Variants in PDE3A observed in about 807,000 individuals in gnomAD.
PDE3A encodes cGMP-inhibited 3',5'-cyclic phosphodiesterase 3A.
A neutral mutation model predicts 98.3 loss-of-function variants in PDE3A; 43 were observed. That is an observed-to-expected ratio of 0.44 (90% CI 0.34 to 0.56). The LOEUF (loss-of-function observed/expected upper bound fraction) is 0.56, where lower values mean the gene tolerates loss of function less well. Among genes scored for constraint, PDE3A ranks in the 20% least tolerant of loss-of-function variants. The pLI is 0.01. For synonymous variants in PDE3A, 663 were observed against 567.9 expected (o/e 1.17, Z -2.38); for missense variants, 1,427 against 1,440.7 (o/e 0.99, Z 0.15).
intron 12 of PDE3A, among the ~76,000 whole-genome samples, chr12:20,648,322 CTTTT>C (rs1229950932): frequency 6.7e-6 from 1 of 149,142 alleles, no homozygotes; most frequent in South Asian, 2.1e-4. Context: ...TAATTTTTTT[CTTTT>C]TTCTTTCTCC....
At chr12:20,420,007 C>G (rs1454495465) in intron 1 of PDE3A, among the ~76,000 whole-genome samples, 2 of 152,106 alleles carry the variant, frequency 1.3e-5, no homozygotes, top group African/African-American at 2.4e-5. Context: ...GACACAGAGC[C>G]AAACCGTATC....
intron 1 of PDE3A, among the ~76,000 whole-genome samples, chr12:20,405,269 C>T (rs1365613048): frequency 6.6e-6 from 1 of 152,094 alleles, no homozygotes; most frequent in Non-Finnish European, 1.5e-5. Context: ...CTTATGGTTT[C>T]TTTGTGCACA....
intron 15 of PDE3A, among the ~76,000 whole-genome samples, chr12:20,671,358 C>A (rs1238403488): frequency 6.6e-6 from 1 of 152,078 alleles, no homozygotes; most frequent in Non-Finnish European, 1.5e-5. Context: ...ATGAGGCTAG[C>A]ATCATCCTGA....
At chr12:20,570,463 T>C (rs1044493396) in intron 2 of PDE3A, among the ~76,000 whole-genome samples, 2 of 148,390 alleles carry the variant, frequency 1.3e-5, no homozygotes, top group African/African-American at 5.0e-5. Context: ...GAAATTTTTC[T>C]CTTTGTCATT....
chr12:20,369,403 A>C lies in PDE3A; in HGVS notation c.119A>C (p.Asp40Ala). The C allele has an allele frequency of 6.4e-7, 1 of 1,552,612 alleles. No homozygotes were observed. The highest frequency in any genetic ancestry group is 8.7e-7 in the Non-Finnish European group (1 of 1,148,890). ...HHRADPASPR[D>A]SGCRGCWGDL... ...CGTGCGGACCCCGCATCGCCGCGGGACTCGGGCTGCCGTGGCTGCTGGGGA... is the reference window on the plus strand; with the variant it reads ...CGTGCGGACCCCGCATCGCCGCGGGCCTCGGGCTGCCGTGGCTGCTGGGGA... Residue 40 changes from aspartate (D) to alanine (A), a missense_variant, in exon 1 of 16, where the codon GAC (aspartate) becomes GCC (alanine). By Grantham distance (126) the Asp-to-Ala change is moderately radical. Transcript: ENST00000359062.
intron 2 of PDE3A, among the ~76,000 whole-genome samples, chr12:20,591,305 A>G (rs988910409): frequency 6.6e-6 from 1 of 152,258 alleles, no homozygotes; most frequent in Non-Finnish European, 1.5e-5. Context: ...GCCAATGTAC[A>G]TACTTAACTC....
chr12:20,649,120 ATGGG>A (rs2121517170), intron 13 of PDE3A, among the ~76,000 whole-genome samples: 2 of 150,810 alleles, frequency 1.3e-5, no homozygotes, highest in South Asian at 4.2e-4. Context: ...TTTAGTAGAG[ATGGG>A]GTTTCACCAT....
chr12:20,392,488 CAT>C, intron 1 of PDE3A, among the ~76,000 whole-genome samples: 1 of 150,640 alleles, frequency 6.6e-6, no homozygotes. Context: ...GCCTGGGCAA[CAT>C]AGTGAGATCC....
chr12:20,665,367 A>T (rs561508574), intron 15 of PDE3A, among the ~76,000 whole-genome samples: 26 of 152,228 alleles, frequency 1.7e-4, no homozygotes, highest in African/African-American at 4.8e-4. Flanking sequence ...AATTGGGTTT[A>T]TTATTTTTCC....
chr12:20,601,995 C>T (rs1295617652), intron 2 of PDE3A, among the ~76,000 whole-genome samples: 2 of 152,162 alleles, frequency 1.3e-5, no homozygotes, highest in Admixed American at 6.5e-5. Context: ...TTTCTGAGTT[C>T]GTACTTATTT....
intron 2 of PDE3A, among the ~76,000 whole-genome samples, chr12:20,564,446 T>C (rs1942607688): frequency 6.6e-6 from 1 of 152,168 alleles, no homozygotes; most frequent in Non-Finnish European, 1.5e-5. Context: ...GTCTATCGAA[T>C]AGAAATTTTA....
At chr12:20,622,763 T>A (rs1012742981) in intron 5 of PDE3A, among the ~76,000 whole-genome samples, 1 of 151,232 alleles carries the variant, frequency 6.6e-6, no homozygotes, top group Non-Finnish European at 1.5e-5. Flanking sequence ...CTTAAAGGGG[T>A]GCTAAAGTGA....
chr12:20,560,875 T>C (rs1255166156), intron 2 of PDE3A, among the ~76,000 whole-genome samples: 1 of 144,032 alleles, frequency 6.9e-6, no homozygotes, highest in Non-Finnish European at 1.5e-5. Flanking sequence ...CCCTACCCCA[T>C]ACCAGCCATT....
intron 2 of PDE3A, among the ~76,000 whole-genome samples, chr12:20,588,050 C>T (rs1051581435): frequency 1.3e-5 from 2 of 152,182 alleles, no homozygotes; most frequent in African/African-American, 2.4e-5. Flanking sequence ...TGCTCCTTTC[C>T]TTCTCCATAA....
At position 20,687,037 on chromosome 12, in the gene PDE3A, C is replaced by G. The variant is rs1181823724; in HGVS notation, c.*6766C>G. Among the ~76,000 whole-genome samples, 1 of 152,034 alleles carries G rather than the reference C, an allele frequency of 6.6e-6. No homozygotes were observed. Among genetic ancestry groups the G allele is most frequent in the Non-Finnish European group, 1.5e-5 (1 of 67,982 alleles). Reference sequence around the variant, plus strand: ...ACATGTTTCCAAATGTGAATTAGCCCTTGAATTAGTTTGAAAACTGCTACT... The same window carrying G: ...ACATGTTTCCAAATGTGAATTAGCCGTTGAATTAGTTTGAAAACTGCTACT... On this transcript the variant is annotated 3_prime_UTR_variant, in exon 16 of 16. Coordinates refer to ENST00000359062, the MANE Select transcript of PDE3A (RefSeq NM_000921.5).
intron 5 of PDE3A, among the ~76,000 whole-genome samples, chr12:20,626,632 G>A (rs1344028615): frequency 1.3e-5 from 2 of 152,004 alleles, no homozygotes; most frequent in Admixed American, 6.6e-5. Context: ...CTGAGTAGTG[G>A]GATTGCAGGC....
chr12:20,527,110 G>T (rs935387986), intron 1 of PDE3A, among the ~76,000 whole-genome samples: 5 of 152,002 alleles, frequency 3.3e-5, no homozygotes, highest in Non-Finnish European at 7.4e-5. Context: ...GTAAAGAGGG[G>T]GTTTCACCAT....
chr12:20,614,958 T>C (rs1943962979), intron 3 of PDE3A, among the ~76,000 whole-genome samples: 1 of 151,480 alleles, frequency 6.6e-6, no homozygotes, highest in South Asian at 2.1e-4. Context: ...GCTGAAGTTA[T>C]AGGAAAAAGA....
Position 20,392,556 on chromosome 12 carries a change from T to A in PDE3A, c.960+22312T>A, listed in dbSNP as rs577659813. On this transcript the variant is annotated intron_variant, in intron 1 of 15. Coordinates refer to ENST00000359062, the MANE Select transcript of PDE3A (RefSeq NM_000921.5). ...ATACATAAATAAATAAATAAATAAA[T>A]AAAATCTAGCTGGACATTATGGAAA... Among the ~76,000 whole-genome samples, 177 of 149,176 alleles carry A rather than the reference T, an allele frequency of 1.2e-3. 2 individuals are homozygous for A. The highest frequency in any genetic ancestry group is 4.8e-4 in the Non-Finnish European group (32 of 66,936).
Sources: allele counts gnomAD v4.1 joint callset (sites outside exome capture counted in the v4.1 genomes callset), GRCh38; gene constraint gnomAD v4.1.1; transcripts MANE v1.5; gene names NCBI Gene and HGNC (gene_info 2026-07-23, HGNC 2026-07-21).